Variants in ADGRL3 observed in about 807,000 individuals in gnomAD.
ADGRL3 encodes calcium-independent alpha-latrotoxin receptor 3.
ADGRL3 carries 62 observed loss-of-function variants against 153.5 expected under a neutral mutation model. That is an observed-to-expected ratio of 0.40 (90% CI 0.33 to 0.50). The LOEUF is 0.50. ADGRL3 is among the 20% of genes least tolerant of loss of function. The pLI is 0.47. For synonymous variants in ADGRL3, 710 were observed against 672.5 expected (o/e 1.06, Z -0.86); for missense variants, 1,641 against 1,859.4 (o/e 0.88, Z 2.16).
At chr4:61,903,362 A>G (rs1413423991) in intron 11 of ADGRL3, among the ~76,000 whole-genome samples, 1 of 152,108 alleles carries the variant, frequency 6.6e-6, no homozygotes, top group Non-Finnish European at 1.5e-5. Flanking sequence ...CTTTCCTGTC[A>G]CAACAGCTGA....
At chr4:61,869,336 C>T (rs1346930275) in intron 9 of ADGRL3, among the ~76,000 whole-genome samples, 2 of 152,016 alleles carry the variant, frequency 1.3e-5, no homozygotes, top group South Asian at 2.1e-4. Context: ...CGGTGGCTCA[C>T]GCCTGTAATC....
intron 1 of ADGRL3, among the ~76,000 whole-genome samples, chr4:61,371,578 T>C (rs1243099026): frequency 6.6e-6 from 1 of 152,300 alleles, no homozygotes; most frequent in African/African-American, 2.4e-5. Flanking sequence ...TTCTGGCTTG[T>C]AGGGTTTCTG....
chr4:61,751,388 A>G (rs1473755390), intron 8 of ADGRL3, among the ~76,000 whole-genome samples: 2 of 152,156 alleles, frequency 1.3e-5, no homozygotes, highest in Non-Finnish European at 2.9e-5. Flanking sequence ...TTTAACCCTT[A>G]AAAACAAACA....
intron 21 of ADGRL3, among the ~76,000 whole-genome samples, chr4:62,007,194 A>T (rs1269308975): frequency 6.6e-6 from 1 of 150,408 alleles, no homozygotes; most frequent in Non-Finnish European, 1.5e-5. Flanking sequence ...CATGTTCAGG[A>T]TGTAAAATAT....
intron 4 of ADGRL3, among the ~76,000 whole-genome samples, chr4:61,522,687 G>A (rs1193863989): frequency 6.6e-6 from 1 of 152,076 alleles, no homozygotes; most frequent in East Asian, 1.9e-4. Flanking sequence ...GCTAAATGAT[G>A]AACACAAAGG....
chr4:61,363,255 C>T (rs1415937642), intron 1 of ADGRL3, among the ~76,000 whole-genome samples: 1 of 152,110 alleles, frequency 6.6e-6, no homozygotes, highest in African/African-American at 2.4e-5. Context: ...GATGTCCTAC[C>T]TTCCTACTGC....
chr4:61,663,099 G>A (rs776413224), intron 5 of ADGRL3, among the ~76,000 whole-genome samples: 8 of 152,122 alleles, frequency 5.3e-5, no homozygotes, highest in Non-Finnish European at 1.2e-4. Flanking sequence ...CCTGAACATG[G>A]GACAAGAACT....
Position 62,037,741 on chromosome 4 carries a change from A to C in ADGRL3, c.3602A>C (p.Glu1201Ala). 6.2e-7 allele frequency: 1 copy of C among 1,613,748 alleles called. No homozygotes were observed. The highest frequency in any genetic ancestry group is 8.5e-7 in the Non-Finnish European group (1 of 1,179,736). The change falls in exon 24 of 27, where the codon GAG becomes GCG. Residue 1201 changes from glutamate (E) to alanine (A), a missense_variant. This residue lies in a region of ADGRL3 where 517 missense variants were observed against 555.0 expected (regional missense o/e 0.93). Coordinates refer to ENST00000683033, the MANE Select transcript of ADGRL3 (RefSeq NM_001387552.1). ...HCVLQKKVRK[E>A]YGKCLRTHCC... ...TATTTAATTGGCTAGGTACGAAAAGAGTATGGGAAATGCCTGCGAACACAT... is the reference window on the plus strand; with the variant it reads ...TATTTAATTGGCTAGGTACGAAAAGCGTATGGGAAATGCCTGCGAACACAT...
intron 25 of ADGRL3, among the ~76,000 whole-genome samples, chr4:62,065,658 G>T (rs571641743): frequency 4.3e-4 from 65 of 151,980 alleles, no homozygotes; most frequent in African/African-American, 1.5e-3. Context: ...ACCACATTTT[G>T]TTTAGCTTTT....
chr4:61,293,657 A>G (rs1349190272), intron 1 of ADGRL3, among the ~76,000 whole-genome samples: 1 of 152,208 alleles, frequency 6.6e-6, no homozygotes, highest in Non-Finnish European at 1.5e-5. Flanking sequence ...GTTTTGATTA[A>G]TGCTACATTT....
intron 5 of ADGRL3, among the ~76,000 whole-genome samples, chr4:61,598,943 AC>A (rs1209907011): frequency 2.0e-5 from 3 of 152,250 alleles, no homozygotes; most frequent in South Asian, 2.1e-4. Flanking sequence ...CAAGGATATG[AC>A]CCTATGCCTT....
At chr4:62,016,247 C>T (rs2099211067) in intron 21 of ADGRL3, among the ~76,000 whole-genome samples, 1 of 152,042 alleles carries the variant, frequency 6.6e-6, no homozygotes, top group Non-Finnish European at 1.5e-5. Flanking sequence ...TGGGGTTTCA[C>T]CATGTTGACC....
intron 6 of ADGRL3, among the ~76,000 whole-genome samples, chr4:61,698,580 A>G (rs1287355236): frequency 2.0e-5 from 3 of 152,128 alleles, no homozygotes; most frequent in African/African-American, 7.2e-5. Flanking sequence ...ACTCATTCAA[A>G]CTCTTGTGGT....
At chr4:61,915,752 T>TA (rs2098742330) in intron 13 of ADGRL3, among the ~76,000 whole-genome samples, 1 of 152,194 alleles carries the variant, frequency 6.6e-6, no homozygotes, top group Non-Finnish European at 1.5e-5. Context: ...GAATAATCCT[T>TA]TAAACTTTAG....
intron 5 of ADGRL3, among the ~76,000 whole-genome samples, chr4:61,628,084 T>C (rs1328591238): frequency 6.6e-6 from 1 of 152,170 alleles, no homozygotes; most frequent in Non-Finnish European, 1.5e-5. Flanking sequence ...GTAATAATAA[T>C]AGCAGCTAAT....
intron 8 of ADGRL3, among the ~76,000 whole-genome samples, chr4:61,744,286 A>G (rs1181787832): frequency 2.0e-5 from 3 of 152,174 alleles, no homozygotes; most frequent in Non-Finnish European, 2.9e-5. Context: ...TGGGGGCAGG[A>G]CACAGACAAA....
At chr4:61,433,347 T>A (rs2097398782) in intron 2 of ADGRL3, among the ~76,000 whole-genome samples, 1 of 136,250 alleles carries the variant, frequency 7.3e-6, no homozygotes, top group Non-Finnish European at 1.6e-5. Context: ...GTTTCAGGAC[T>A]GTGAATAGCT....
chr4:61,831,744 A>G (rs190049818), intron 9 of ADGRL3, among the ~76,000 whole-genome samples: 110 of 152,292 alleles, frequency 7.2e-4, no homozygotes, highest in Admixed American at 3.3e-3. Context: ...TTTAAGGTTT[A>G]GTAGGTGAAA....
chr4:61,714,799 C>A (rs1233556712), intron 6 of ADGRL3, among the ~76,000 whole-genome samples: 1 of 152,092 alleles, frequency 6.6e-6, no homozygotes, highest in Non-Finnish European at 1.5e-5. Flanking sequence ...TTTGGCTTTT[C>A]CTCTTTTTCT....
Sources: allele counts gnomAD v4.1 joint callset (sites outside exome capture counted in the v4.1 genomes callset), GRCh38; gene constraint gnomAD v4.1.1; regional missense constraint gnomAD v4.1.1; transcripts MANE v1.5; gene names NCBI Gene and HGNC (gene_info 2026-07-23, HGNC 2026-07-21).